The following PLEKHG1 variants were observed in gnomAD, a reference collection of about 807,000 sequenced individuals.
The protein encoded by PLEKHG1 is pleckstrin homology and RhoGEF domain containing G1.
Under a neutral mutation model 100.8 loss-of-function variants are expected in PLEKHG1, and 44 were observed. The ratio of observed to expected loss-of-function variants is 0.44; its 90% CI spans 0.34 to 0.56. The LOEUF is 0.56. Among genes scored for constraint, PLEKHG1 ranks in the 20% least tolerant of loss-of-function variants. The pLI is 0.01. For synonymous variants in PLEKHG1, 640 were observed against 662.5 expected (o/e 0.97, Z 0.52); for missense variants, 1,545 against 1,720.9 (o/e 0.90, Z 1.81).
intron 3 of PLEKHG1, among the ~76,000 whole-genome samples, chr6:150,704,048 A>G (rs556745470): frequency 3.6e-4 from 55 of 151,324 alleles, no homozygotes; most frequent in African/African-American, 1.3e-3. Context: ...ACAATTGCAA[A>G]TAACAACTTT....
At chr6:150,691,296 G>A (rs1247011545) in intron 3 of PLEKHG1, among the ~76,000 whole-genome samples, 1 of 151,990 alleles carries the variant, frequency 6.6e-6, no homozygotes, top group African/African-American at 2.4e-5. Context: ...TCAATCTACT[G>A]GTATTTTTAT....
intron 1 of PLEKHG1, among the ~76,000 whole-genome samples, chr6:150,635,984 G>T (rs982700467): frequency 1.3e-5 from 2 of 152,084 alleles, no homozygotes; most frequent in African/African-American, 4.8e-5. Flanking sequence ...AATAAATATT[G>T]TATCTTTTGG....
chr6:150,757,704 TCAA>T (rs1448245245), intron 2 of PLEKHG1, among the ~76,000 whole-genome samples: 1 of 152,200 alleles, frequency 6.6e-6, no homozygotes, highest in Non-Finnish European at 1.5e-5. Flanking sequence ...TTCTTCTTCT[TCAA>T]CATTTAAGTT....
At chr6:150,667,104 G>A (rs1023107804) in intron 3 of PLEKHG1, among the ~76,000 whole-genome samples, 1 of 150,814 alleles carries the variant, frequency 6.6e-6, no homozygotes, top group African/African-American at 2.5e-5. Context: ...GTGTGTGTTT[G>A]TGTGTGTGTG....
chr6:150,830,345 A>T (rs549071142), intron 14 of PLEKHG1, among the ~76,000 whole-genome samples: 1 of 152,204 alleles, frequency 6.6e-6, no homozygotes, highest in Non-Finnish European at 1.5e-5. Flanking sequence ...ACACTCAGCC[A>T]GGTGTAGTGG....
At chr6:150,762,096 C>T (rs1388501360) in intron 2 of PLEKHG1, among the ~76,000 whole-genome samples, 1 of 152,204 alleles carries the variant, frequency 6.6e-6, no homozygotes, top group African/African-American at 2.4e-5. Context: ...TTTACTCAGG[C>T]ATCTCAGAGC....
At chr6:150,799,953 A>G (rs1786588320) in intron 5 of PLEKHG1, among the ~76,000 whole-genome samples, 1 of 152,170 alleles carries the variant, frequency 6.6e-6, no homozygotes, top group Non-Finnish European at 1.5e-5. Flanking sequence ...CATTGTTTCA[A>G]CCATTGCCTT....
chr6:150,690,970 C>G (rs1780330408), intron 3 of PLEKHG1, among the ~76,000 whole-genome samples: 1 of 152,154 alleles, frequency 6.6e-6, no homozygotes, highest in Admixed American at 6.5e-5. Flanking sequence ...TCCCCATAGT[C>G]CTCCCTCATC....
chr6:150,752,588 G>T (rs982941963), intron 2 of PLEKHG1, among the ~76,000 whole-genome samples: 18 of 152,136 alleles, frequency 1.2e-4, no homozygotes. Flanking sequence ...TGTTTCCAAG[G>T]TTCATTCATG....
chr6:150,631,929 G>T (rs1777770079), intron 1 of PLEKHG1, among the ~76,000 whole-genome samples: 1 of 152,182 alleles, frequency 6.6e-6, no homozygotes, highest in African/African-American at 2.4e-5. Context: ...CCTGCCCCGG[G>T]GGCTGGCTGG....
intron 2 of PLEKHG1, among the ~76,000 whole-genome samples, chr6:150,739,016 G>A (rs747156012): frequency 1.3e-5 from 2 of 152,172 alleles, no homozygotes; most frequent in Admixed American, 6.5e-5. Context: ...GGCACGGGCT[G>A]TCAGGGGTAG....
intron 7 of PLEKHG1, among the ~76,000 whole-genome samples, chr6:150,805,361 C>A (rs576348889): frequency 2.6e-5 from 4 of 152,172 alleles, no homozygotes; most frequent in African/African-American, 9.7e-5. Context: ...TTTCCCTAAA[C>A]TATGTAAAGA....
At chr6:150,645,457 A>G (rs891329470) in intron 2 of PLEKHG1, among the ~76,000 whole-genome samples, 1 of 152,234 alleles carries the variant, frequency 6.6e-6, no homozygotes, top group Admixed American at 6.5e-5. Context: ...TAACTGCATT[A>G]TATTTAAGAT....
exon 1 of PLEKHG1, chr6:150,599,902 C>G (rs1049062618): frequency 5.3e-6 from 1 of 189,642 alleles, no homozygotes; most frequent in Non-Finnish European, 1.1e-5. Context: ...AGCCCGAGCC[C>G]GAGCCCGACG....
chr6:150,738,318 A>G (rs778560307), intron 2 of PLEKHG1, among the ~76,000 whole-genome samples: 16 of 152,154 alleles, frequency 1.1e-4, no homozygotes, highest in Non-Finnish European at 1.9e-4. Context: ...TCAAGTTTAG[A>G]TTTCATTTTT....
chr6:150,741,243 G>A (rs561601301), intron 2 of PLEKHG1, among the ~76,000 whole-genome samples: 1 of 152,068 alleles, frequency 6.6e-6, no homozygotes, highest in South Asian at 2.1e-4. Context: ...AGCAAAATGA[G>A]TTGAGATTTG....
intron 1 of PLEKHG1, among the ~76,000 whole-genome samples, chr6:150,636,224 A>AT (rs1777990881): frequency 6.6e-6 from 1 of 151,982 alleles, no homozygotes; most frequent in African/African-American, 2.4e-5. Flanking sequence ...TCTATTTTGA[A>AT]TTTTTTCTAT....
Position 150,831,853 on chromosome 6 carries a change from C to G in PLEKHG1, c.2742C>G (p.Asn914Lys), listed in dbSNP as rs1332587858. ...GGGCTGGCAGAGCCAGCCGCGCCAA[C>G]TGCCCCTTTGAGGAAGACCTGATTT... Residue 914 changes from asparagine (N) to lysine (K), a missense_variant, in exon 15 of 16, where the codon AAC becomes AAG. Coordinates refer to ENST00000358517, the Ensembl canonical transcript of PLEKHG1. This position sits in a 1 kb window ranked among gnomAD's most constrained non-coding sequence, Gnocchi z 4.1. 6.2e-7 allele frequency: 1 copy of G among 1,613,248 alleles called. No individual in the cohort carries two copies. The highest frequency in any genetic ancestry group is 1.7e-5 in the Admixed American group (1 of 59,966).
Position 150,800,708 on chromosome 6 carries a change from T to A in PLEKHG1, c.630-11T>A. 6.2e-7 allele frequency: 1 copy of A among 1,611,074 alleles called. No individual in the cohort carries two copies. Among genetic ancestry groups the A allele is most frequent in the South Asian group, 1.1e-5 (1 of 90,492 alleles). On this transcript the variant is annotated splice_polypyrimidine_tract_variant and intron_variant, in intron 5 of 15. Coordinates refer to ENST00000358517, the Ensembl canonical transcript of PLEKHG1. ...TTACAATTTAGATAAAAACATGGAC[T>A]CTTCCTGCAGGTCCGTGGCTGTGCT...
Sources: gnomAD v4.1 joint callset for allele counts (sites outside exome capture counted in the v4.1 genomes callset) on GRCh38, gnomAD v4.1.1 for gene constraint, Gnocchi (gnomAD v3.1) non-coding constraint, MANE v1.5 for transcripts, NCBI Gene and HGNC (gene_info 2026-07-23, HGNC 2026-07-21) for gene names.